The following CHST8 variants were observed in gnomAD, a reference collection of about 807,000 sequenced individuals.
CHST8 encodes carbohydrate sulfotransferase 8, also known as GALNAC-4-ST1.
Under a neutral mutation model 15.0 loss-of-function variants are expected in CHST8, and 10 were observed. That is an observed-to-expected ratio of 0.67 (90% confidence interval 0.41 to 1.13). The LOEUF is 1.13. Among genes scored for constraint, CHST8 ranks in the 50% most tolerant of loss-of-function variants. The probability of loss-of-function intolerance (pLI) is 0.00; values close to 1 mark genes in which losing one functional copy is unlikely to be tolerated. For synonymous variants in CHST8, 259 were observed against 256.6 expected, an observed-to-expected ratio of 1.01 and a Z score of -0.09; for missense variants, 634 against 608.2, an observed-to-expected ratio of 1.04 and a Z score of -0.45.
At chr19:33,664,263 G>A (rs181967794) in intron 1 of CHST8, among the ~76,000 whole-genome samples, 240 of 151,940 alleles carry the variant, frequency 1.6e-3, no homozygotes, top group Non-Finnish European at 1.7e-3. Flanking sequence ...GAGCTTCTGG[G>A]ATTTTCTTTT....
chr19:33,715,929 C>A (rs922152871), intron 3 of CHST8, among the ~76,000 whole-genome samples: 5 of 152,206 alleles, frequency 3.3e-5, no homozygotes, highest in African/African-American at 1.2e-4. Flanking sequence ...AGGCTTTACA[C>A]CTGGCATATG....
intron 3 of CHST8, among the ~76,000 whole-genome samples, chr19:33,719,430 G>T (rs1973735980): frequency 6.6e-6 from 1 of 152,148 alleles, no homozygotes; most frequent in African/African-American, 2.4e-5. Context: ...GCTCACTGAG[G>T]AATTGTTCTA....
chr19:33,671,159 T>G (rs1476308551), intron 2 of CHST8, among the ~76,000 whole-genome samples: 2 of 152,180 alleles, frequency 1.3e-5, no homozygotes, highest in Non-Finnish European at 2.9e-5. Context: ...TACAGTTTTT[T>G]CAAGATCCAG....
At chr19:33,713,672 C>G (rs899884716) in intron 3 of CHST8, among the ~76,000 whole-genome samples, 1 of 152,000 alleles carries the variant, frequency 6.6e-6, no homozygotes, top group African/African-American at 2.4e-5. Flanking sequence ...TTCAAGTGCC[C>G]CTGTCTACCT....
chr19:33,743,561 A>G (rs1172642540), intron 3 of CHST8, among the ~76,000 whole-genome samples: 1 of 151,962 alleles, frequency 6.6e-6, no homozygotes, highest in Non-Finnish European at 1.5e-5. Context: ...TCGGCCTCCC[A>G]AAGTGCTGGG....
chr19:33,635,643 A>G (rs1387994312), intron 1 of CHST8, among the ~76,000 whole-genome samples: 1 of 152,142 alleles, frequency 6.6e-6, no homozygotes, highest in Non-Finnish European at 1.5e-5. Flanking sequence ...ACCACTCAGC[A>G]TGAGCTCCGT....
rs112694083 is a variant in CHST8 at position 33,658,128 on chromosome 19, T to C, written c.-163-9639T>C. On this transcript the variant is annotated intron_variant, in intron 1 of 4. Coordinates refer to ENST00000650847, the MANE Select transcript of CHST8 (RefSeq NM_001127895.2). ...GCTAAGATGGGTGGATCACCTGAGG[T>C]CAGGAGTTCGAGACCAGCCTGGCCA... Among the ~76,000 whole-genome samples the C allele has an allele frequency of 5.9e-3, 898 of 152,206 alleles. 9 individuals carry two copies. The highest frequency in any genetic ancestry group is 0.021 in the African/African-American group (861 of 41,512).
At chr19:33,676,041 C>A (rs1221291586) in intron 2 of CHST8, among the ~76,000 whole-genome samples, 21 of 152,036 alleles carry the variant, frequency 1.4e-4, no homozygotes, top group Non-Finnish European at 2.4e-4. Context: ...CCTCCTCTTT[C>A]ATTGTAGGAG....
At chr19:33,721,747 T>C (rs74471153) in intron 3 of CHST8, among the ~76,000 whole-genome samples, 21,315 of 151,370 alleles carry the variant, frequency 0.14, 1,902 homozygotes, top group African/African-American at 0.24. Flanking sequence ...GAAGGACGGA[T>C]AGATGGATGG....
At chr19:33,743,695 C>G (rs760239250) in intron 3 of CHST8, among the ~76,000 whole-genome samples, 1 of 152,186 alleles carries the variant, frequency 6.6e-6, no homozygotes, top group African/African-American at 2.4e-5. Flanking sequence ...TGCATCGTCT[C>G]CTGGGGTCGT....
At chr19:33,723,880 G>A (rs1973845581) in intron 3 of CHST8, among the ~76,000 whole-genome samples, 1 of 152,202 alleles carries the variant, frequency 6.6e-6, no homozygotes. Flanking sequence ...CCTTTGGCAG[G>A]AGGATCCCAT....
intron 3 of CHST8, among the ~76,000 whole-genome samples, chr19:33,751,922 A>G (rs1974428942): frequency 6.6e-6 from 1 of 152,144 alleles, no homozygotes; most frequent in African/African-American, 2.4e-5. Context: ...TTTTCCCTCC[A>G]ACGGCGCCAG....
At chr19:33,672,734 C>A (rs746773217) in intron 2 of CHST8, among the ~76,000 whole-genome samples, 2 of 152,174 alleles carry the variant, frequency 1.3e-5, no homozygotes, top group African/African-American at 4.8e-5. Flanking sequence ...CAGGATGAGA[C>A]GGCCCTGGGC....
At chr19:33,656,598 C>T (rs1016365233) in intron 1 of CHST8, among the ~76,000 whole-genome samples, 1 of 152,056 alleles carries the variant, frequency 6.6e-6, no homozygotes, top group Non-Finnish European at 1.5e-5. Flanking sequence ...TGCAGTGGTG[C>T]AATTATGGCT....
intron 3 of CHST8, among the ~76,000 whole-genome samples, chr19:33,690,667 G>C (rs902931741): frequency 1.3e-5 from 2 of 152,226 alleles, no homozygotes; most frequent in Non-Finnish European, 2.9e-5. Context: ...CCCCACAGGT[G>C]GTGGCTGTCA....
chr19:33,664,629 G>C (rs1182433582), intron 1 of CHST8, among the ~76,000 whole-genome samples: 1 of 151,538 alleles, frequency 6.6e-6, no homozygotes, highest in Non-Finnish European at 1.5e-5. Flanking sequence ...CATCTCAAAA[G>C]GTTATTTGAC....
At chr19:33,727,572 T>TG (rs1477372375) in intron 3 of CHST8, among the ~76,000 whole-genome samples, 1 of 152,212 alleles carries the variant, frequency 6.6e-6, no homozygotes, top group East Asian at 1.9e-4. Context: ...GTGCATCTTG[T>TG]CGCGCCTGGC....
chr19:33,682,101 C>A (rs539023546), intron 2 of CHST8, among the ~76,000 whole-genome samples: 2 of 151,846 alleles, frequency 1.3e-5, no homozygotes, highest in Non-Finnish European at 2.9e-5. Flanking sequence ...GTGATCCACC[C>A]GCCTTGGCCT....
chr19:33,686,271 TC>T (rs1040544681), intron 2 of CHST8, among the ~76,000 whole-genome samples: 5 of 152,174 alleles, frequency 3.3e-5, no homozygotes, highest in Non-Finnish European at 4.4e-5. Context: ...TTCTTCCCCT[TC>T]CTGGATTTGG....
Sources: allele counts gnomAD v4.1 joint callset (sites outside exome capture counted in the v4.1 genomes callset), GRCh38; gene constraint gnomAD v4.1.1; transcripts MANE v1.5; gene names NCBI Gene and HGNC (gene_info 2026-07-23, HGNC 2026-07-21).